CHRNA10: variants seen among roughly 807,000 people sequenced by gnomAD.
CHRNA10 encodes cholinergic receptor nicotinic alpha 10 subunit.
In CHRNA10, 31 loss-of-function variants were observed where a neutral mutation model predicts 36.0. The ratio of observed to expected loss-of-function variants is 0.86; its 90% confidence interval spans 0.65 to 1.16. The LOEUF is 1.16. CHRNA10 is among the 50% of genes most tolerant of loss of function. The pLI is 0.00. For missense variants in CHRNA10, 648 were observed against 640.9 expected (o/e 1.01, Z -0.12); for synonymous variants, 302 against 287.0 (o/e 1.05, Z -0.53).
At chr11:3,666,910 G>A (rs1273540408) in intron 4 of CHRNA10, among the ~76,000 whole-genome samples, 2 of 152,116 alleles carry the variant, frequency 1.3e-5, no homozygotes, top group African/African-American at 4.8e-5. Flanking sequence ...CTACTTCCTA[G>A]GTTTGTGGTG....
In CHRNA10 at chr11:3,667,779, G is replaced by T. The variant is rs1381621349; in HGVS notation, c.363-15C>A. 1 of 1,494,936 alleles carries T rather than the reference G, an allele frequency of 6.7e-7. No homozygotes were observed. 92.6% of individuals were successfully genotyped at this position (1,494,936 alleles called of 1,614,324 possible). ...GCGCGTCGGCTCTGGGGGCAGGCGG[G>T]GCAGGGCTCACCTAGGCTGTCCAGC... On this transcript the variant is annotated splice_polypyrimidine_tract_variant and intron_variant, in intron 3 of 4. Transcript: ENST00000250699.
chr11:3,668,131 T>G (rs553177233), intron 3 of CHRNA10, among the ~76,000 whole-genome samples: 2 of 152,368 alleles, frequency 1.3e-5, no homozygotes, highest in East Asian at 3.9e-4. Flanking sequence ...CTTGAATTTC[T>G]ATTTAAGCAA....
chr11:3,666,384 T>G lies in CHRNA10; in HGVS notation c.1076A>C (p.Gln359Pro). 3 of 1,613,792 alleles carry G rather than the reference T, an allele frequency of 1.9e-6. No homozygotes were observed. The highest frequency in any genetic ancestry group is 1.7e-6 in the Non-Finnish European group (2 of 1,179,998). ...AGGAGATAACTCAGGTGGCCTGGAC[T>G]GCCCACAGGGCTCCCCTCTTTCCCG... ...CVRERGEPCG[Q>P]SRPPELSPSP... The change falls in exon 5 of 5, where the codon CAG (glutamine) becomes CCG (proline). Residue 359 changes from glutamine to proline, a missense_variant. Physicochemically the swap from Gln to Pro is moderately conservative, Grantham distance 76 (BLOSUM62 -1). Coordinates refer to ENST00000250699, the MANE Select transcript of CHRNA10 (RefSeq NM_020402.4).
rs1490988120 is a variant in CHRNA10 at position 3,667,470 on chromosome 11, G to A, written c.657C>T (p.Cys219=). The change falls in exon 4 of 5, where the codon TGC becomes TGT. Residue 219 remains cysteine, a synonymous_variant. Coordinates refer to ENST00000250699, the MANE Select transcript of CHRNA10 (RefSeq NM_020402.4). ...ARRRVLTYGC[C]SEPYPDVTFT... ...AGGTGACGTCGGGGTAGGGCTCGGA[G>A]CAGCAGCCGTAGGTGAGCACGCGCC... 5 of 1,592,298 alleles carry A rather than the reference G, an allele frequency of 3.1e-6. No homozygotes were observed. Among genetic ancestry groups the A allele is most frequent in the African/African-American group, 1.3e-5 (1 of 74,222 alleles).
chr11:3,666,271 G>A lies in CHRNA10; in HGVS notation c.1189C>T (p.His397Tyr). ...RCLCRQEALL[H>Y]HVATIANTFR... is the part of the protein sequence containing the mutation. ...GTATTGGCAATGGTGGCTACGTGGT[G>A]CAGTAGGGCTTCCTGGCGGCACAGA... The change falls in exon 5 of 5, where the codon CAC (histidine) becomes TAC (tyrosine). Residue 397 changes from histidine to tyrosine, a missense_variant. His to Tyr is a moderately conservative substitution (Grantham distance 83). Transcript: ENST00000250699. The A allele has an allele frequency of 6.2e-7, 1 of 1,614,028 alleles. No individual in the cohort carries two copies. Among genetic ancestry groups the A allele is most frequent in the East Asian group, 2.2e-5 (1 of 44,882 alleles).
chr11:3,671,240 T>C lies in CHRNA10; in HGVS notation c.61+12A>G. The C allele has an allele frequency of 4.3e-6, 7 of 1,613,934 alleles. No homozygotes were observed. In the South Asian group the frequency reaches 6.6e-5, roughly 15 times the overall value. On this transcript the variant is annotated intron_variant, in intron 1 of 4. Coordinates refer to ENST00000250699, the MANE Select transcript of CHRNA10 (RefSeq NM_020402.4). ...CCAGGAGAGGCCAGGGCTGGTGTACTGAGCTTCATACCTGCAGGGAGTAGA... is the reference window on the plus strand; with the variant it reads ...CCAGGAGAGGCCAGGGCTGGTGTACCGAGCTTCATACCTGCAGGGAGTAGA...
chr11:3,669,665 A>C, intron 2 of CHRNA10, 131 bp downstream of exon 2: 1 of 1,281,366 alleles, frequency 7.8e-7, no homozygotes, highest in South Asian at 1.2e-5. Flanking sequence ...ACAGTTTGTA[A>C]CTGCTACCTT....
In CHRNA10 at chr11:3,666,012, C is replaced by CT; in HGVS notation, c.*94dup. On this transcript the variant is annotated 3_prime_UTR_variant, in exon 5 of 5. Coordinates refer to ENST00000250699, the MANE Select transcript of CHRNA10 (RefSeq NM_020402.4). ...GGATCTTAGGAGCAGTGGGGAGAGA[C>CT]TGGCTGGCCCAAAGACCAGCAACCA... 9.2e-7 allele frequency: 1 copy of CT among 1,085,970 alleles called. No individual in the cohort carries two copies. The highest frequency in any genetic ancestry group is 1.7e-5 in the South Asian group (1 of 58,726). The allele number at this position is 1,085,970 out of a possible 1,614,324, so 67.3% of individuals were successfully genotyped here. A position where few individuals can be genotyped will look rare whatever the true frequency, so the allele number is the denominator to read the frequency against.
chr11:3,667,188 G>C, intron 4 of CHRNA10, 44 bp downstream of exon 4: 2 of 1,504,116 alleles, frequency 1.3e-6, no homozygotes, highest in Non-Finnish European at 1.8e-6. Flanking sequence ...GCCCTGGGGG[G>C]ACCCCAGCGC....
chr11:3,670,712 C>T (rs1261234238), intron 1 of CHRNA10, among the ~76,000 whole-genome samples: 2 of 152,232 alleles, frequency 1.3e-5, no homozygotes, highest in Non-Finnish European at 2.9e-5. Flanking sequence ...TCCCTTCTCC[C>T]TCTGCTGCCT....
intron 2 of CHRNA10, 72 bp downstream of exon 2, chr11:3,669,724 A>G (rs750347270): frequency 6.5e-7 from 1 of 1,548,176 alleles, no homozygotes; most frequent in African/African-American, 1.4e-5. Flanking sequence ...GAATAATCCC[A>G]GTCTCTCACC....
chr11:3,669,718 A>G (rs112567211), intron 2 of CHRNA10, 78 bp downstream of exon 2: 1 of 1,539,214 alleles, frequency 6.5e-7, no homozygotes, highest in South Asian at 1.1e-5. Flanking sequence ...CATGGAGAAT[A>G]ATCCCAGTCT....
chr11:3,666,068 C>G lies in CHRNA10; in HGVS notation c.*39G>C. The G allele has an allele frequency of 6.7e-7, 1 of 1,491,032 alleles. No individual in the cohort carries two copies. Among genetic ancestry groups the G allele is most frequent in the Non-Finnish European group, 8.9e-7 (1 of 1,119,136 alleles). The allele number at this position is 1,491,032 out of a possible 1,614,324, so 92.4% of individuals were successfully genotyped here. ...CCGTGGCTGTCCCTTTCTGGAGGAG[C>G]TGTGGCTGCAGCAGATCCCTGTGAC... On this transcript the variant is annotated 3_prime_UTR_variant, in exon 5 of 5. Transcript: ENST00000250699.
At chr11:3,666,643 T>G in intron 4 of CHRNA10, 79 bp from the exon 5 acceptor site, 2 of 1,123,524 alleles carry the variant, frequency 1.8e-6, no homozygotes, top group Non-Finnish European at 2.5e-6. Context: ...TCTGCACAAA[T>G]GGAAATAAGC....
Position 3,667,374 on chromosome 11 carries a change from C to A in CHRNA10, c.753G>T (p.Ser251=). 1 of 1,601,724 alleles carries A rather than the reference C, an allele frequency of 6.2e-7. No individual in the cohort carries two copies. The highest frequency in any genetic ancestry group is 8.5e-7 in the Non-Finnish European group (1 of 1,178,572). Residue 251 remains serine, a synonymous_variant, in exon 4 of 5, where the codon TCG becomes TCT. Coordinates refer to ENST00000250699, the MANE Select transcript of CHRNA10 (RefSeq NM_020402.4). ...GGTGGAAGGCGAGCGGCGCAAGCAG[C>A]GAGATGAGCACGCAGGGCAGCAGCA... is the stretch of plus-strand genomic sequence containing the variant. ...CNLLLPCVLI[S]LLAPLAFHLP... is the part of the protein sequence containing the mutation.
In CHRNA10 at chr11:3,669,875, C is replaced by G; in HGVS notation, c.128G>C (p.Ser43Thr). The G allele has an allele frequency of 6.2e-7, 1 of 1,614,160 alleles. No homozygotes were observed. The highest frequency in any genetic ancestry group is 8.5e-7 in the Non-Finnish European group (1 of 1,180,022). Reference sequence around the variant, plus strand: ...TGTGTCTGCCACAGGTCTCAGGGCACTTGTGTAGTTGGCAAAGAGGTCACG... The same window carrying G: ...TGTGTCTGCCACAGGTCTCAGGGCAGTTGTGTAGTTGGCAAAGAGGTCACG... ...LFRDLFANYT[S>T]ALRPVADTDQ... The change falls in exon 2 of 5, where the codon AGT becomes ACT. Residue 43 changes from serine (S) to threonine (T), a missense_variant. By Grantham distance (58) the Ser-to-Thr change is moderately conservative. Coordinates refer to ENST00000250699, the MANE Select transcript of CHRNA10 (RefSeq NM_020402.4).
Position 3,666,571 on chromosome 11 carries a change from G to A in CHRNA10, c.896-7C>T. 1.3e-6 allele frequency: 2 copies of A among 1,514,866 alleles called. No homozygotes were observed. Among genetic ancestry groups the A allele is most frequent in the Non-Finnish European group, 8.9e-7 (1 of 1,129,734 alleles). 93.8% of individuals were successfully genotyped at this position (1,514,866 alleles called of 1,614,324 possible). A position where few individuals can be genotyped will look rare whatever the true frequency, so the allele number is the denominator to read the frequency against. ...GTGGCCATGTAGTACTTCCCTGCAA[G>A]AGAGAGAGAAAGCCAATTGACTCAA... is the stretch of plus-strand genomic sequence containing the variant. On this transcript the variant is annotated splice_region_variant and splice_polypyrimidine_tract_variant and intron_variant, in intron 4 of 4. Transcript: ENST00000250699.
In CHRNA10 at chr11:3,666,010, G is replaced by C; in HGVS notation, c.*97C>G. On this transcript the variant is annotated 3_prime_UTR_variant, in exon 5 of 5. Coordinates refer to ENST00000250699, the MANE Select transcript of CHRNA10 (RefSeq NM_020402.4). ...CAGGATCTTAGGAGCAGTGGGGAGA[G>C]ACTGGCTGGCCCAAAGACCAGCAAC... 3.8e-6 allele frequency: 4 copies of C among 1,053,168 alleles called. No individual in the cohort carries two copies. The African/African-American group carries it at 6.4e-5, about 17-fold the overall frequency. The allele number at this position is 1,053,168 out of a possible 1,614,324, so 65.2% of individuals were successfully genotyped here. A position where few individuals can be genotyped will look rare whatever the true frequency, so the allele number is the denominator to read the frequency against.
intron 2 of CHRNA10, 139 bp downstream of exon 2, chr11:3,669,657 A>G: frequency 8.4e-7 from 1 of 1,194,978 alleles, no homozygotes; most frequent in Non-Finnish European, 1.2e-6. Flanking sequence ...AGTACCCAAC[A>G]GTTTGTAACT....
Sources: gnomAD v4.1 joint callset for allele counts (sites outside exome capture counted in the v4.1 genomes callset) on GRCh38, gnomAD v4.1.1 for gene constraint, MANE v1.5 for transcripts, NCBI Gene and HGNC (gene_info 2026-07-23, HGNC 2026-07-21) for gene names.